Variants in RNF169 observed in about 807,000 individuals in gnomAD.
RNF169 encodes the protein E3 ubiquitin-protein ligase RNF169.
In RNF169, 24 loss-of-function variants were observed where a neutral mutation model predicts 53.9. The ratio of observed to expected loss-of-function variants is 0.45; its 90% CI spans 0.32 to 0.63. RNF169 has a LOEUF of 0.63. Ranked by LOEUF, RNF169 falls within the 20% of genes least tolerant of loss-of-function variation. The probability of loss-of-function intolerance (pLI) is 0.04; values close to 1 mark genes in which losing one functional copy is unlikely to be tolerated. For missense variants in RNF169, 883 were observed against 906.2 expected, an observed-to-expected ratio of 0.97 and a Z score of 0.33; for synonymous variants, 396 against 363.5, an observed-to-expected ratio of 1.09 and a Z score of -1.02.
At chr11:74,759,604 G>C (rs1591387160) in intron 1 of RNF169, among the ~76,000 whole-genome samples, 1 of 145,488 alleles carries the variant, frequency 6.9e-6, no homozygotes, top group Admixed American at 6.8e-5. Context: ...TTATATGCTG[G>C]ATTACATTTA....
At chr11:74,812,554 C>T (rs2035888973) in intron 3 of RNF169, among the ~76,000 whole-genome samples, 1 of 151,978 alleles carries the variant, frequency 6.6e-6, no homozygotes, top group Non-Finnish European at 1.5e-5. Context: ...GATCCTCCCA[C>T]CTTAGCTTTC....
intron 1 of RNF169, among the ~76,000 whole-genome samples, chr11:74,773,938 T>A (rs1363507600): frequency 6.6e-6 from 1 of 152,224 alleles, no homozygotes; most frequent in Non-Finnish European, 1.5e-5. Context: ...ATGCAGTCAT[T>A]CATTTTGTAC....
intron 1 of RNF169, among the ~76,000 whole-genome samples, chr11:74,777,861 A>G (rs982255185): frequency 2.0e-5 from 3 of 152,134 alleles, no homozygotes; most frequent in Admixed American, 1.3e-4. Flanking sequence ...CGGCTAGTCT[A>G]AGAGATCCTC....
chr11:74,793,942 A>G (rs2035613116), intron 2 of RNF169, among the ~76,000 whole-genome samples: 1 of 152,180 alleles, frequency 6.6e-6, no homozygotes, highest in South Asian at 2.1e-4. Flanking sequence ...TTATGCATGC[A>G]GACACATACA....
At chr11:74,759,977 A>C (rs1383125618) in intron 1 of RNF169, among the ~76,000 whole-genome samples, 1 of 151,096 alleles carries the variant, frequency 6.6e-6, no homozygotes, top group African/African-American at 2.4e-5. Flanking sequence ...GATTATTGCC[A>C]CAATTTCAGC....
At chr11:74,832,410 A>T (rs988061599) in intron 4 of RNF169, 1 of 151,950 alleles carries the variant, frequency 6.6e-6, no homozygotes, top group Non-Finnish European at 1.5e-5. Context: ...CCCCAGCTAC[A>T]GGTAGTTGTC....
intron 2 of RNF169, among the ~76,000 whole-genome samples, chr11:74,802,424 TC>T (rs1215266109): frequency 6.6e-6 from 1 of 152,196 alleles, no homozygotes; most frequent in African/African-American, 2.4e-5. Flanking sequence ...GGCAAGCGGA[TC>T]ACCTGAGGTC....
At chr11:74,789,354 T>A (rs577243105) in intron 1 of RNF169, among the ~76,000 whole-genome samples, 60 of 152,332 alleles carry the variant, frequency 3.9e-4, no homozygotes, top group Non-Finnish European at 7.1e-4. Flanking sequence ...CAAGCATTTA[T>A]CAACCTCAGT....
Position 74,840,123 on chromosome 11 carries a change from C to T in RNF169, c.*3393C>T, listed in dbSNP as rs1387596208. ...TGGGAAGCTGCCACCGTGCCTGACT[C>T]ATGTAGCTGATGACCGAAGGCTCAT... On this transcript the variant is annotated 3_prime_UTR_variant, in exon 6 of 6. Transcript: ENST00000299563. 1 of 152,192 alleles carries T rather than the reference C, an allele frequency of 6.6e-6. No individual in the cohort carries two copies. The highest frequency in any genetic ancestry group is 1.5e-5 in the Non-Finnish European group (1 of 68,046). 9.4% of individuals were successfully genotyped at this position (152,192 alleles called of 1,614,324 possible). A position where few individuals can be genotyped will look rare whatever the true frequency, so the allele number is the denominator to read the frequency against.
chr11:74,793,001 A>G (rs947869828), intron 2 of RNF169, among the ~76,000 whole-genome samples: 2 of 152,230 alleles, frequency 1.3e-5, no homozygotes, highest in Non-Finnish European at 2.9e-5. Context: ...CCATAACATT[A>G]AAAGGCACTA....
chr11:74,778,248 G>A (rs985428460), intron 1 of RNF169, among the ~76,000 whole-genome samples: 4 of 152,066 alleles, frequency 2.6e-5, no homozygotes, highest in South Asian at 2.1e-4. Context: ...ATATTTTCTC[G>A]TTCTGCAGTA....
At chr11:74,786,404 TG>T (rs1209490332) in intron 1 of RNF169, among the ~76,000 whole-genome samples, 3 of 151,998 alleles carry the variant, frequency 2.0e-5, no homozygotes, top group African/African-American at 2.4e-5. Flanking sequence ...TGCTAATTGT[TG>T]GGGGGTTTTT....
At chr11:74,821,155 C>G (rs1487820720) in intron 4 of RNF169, among the ~76,000 whole-genome samples, 1 of 152,170 alleles carries the variant, frequency 6.6e-6, no homozygotes, top group Non-Finnish European at 1.5e-5. Context: ...TTGAAATTAT[C>G]TATCTTTGCA....
intron 1 of RNF169, among the ~76,000 whole-genome samples, chr11:74,783,634 G>A (rs879265862): frequency 5.9e-5 from 9 of 152,124 alleles, no homozygotes; most frequent in Admixed American, 1.3e-4. Context: ...TGGTAGCTTT[G>A]TGACTAACTC....
chr11:74,810,080 A>G, intron 2 of RNF169, 104 bp from the exon 3 acceptor site: 1 of 1,019,792 alleles, frequency 9.8e-7, no homozygotes, highest in South Asian at 1.6e-5. Context: ...AACAGTCTCA[A>G]AACTGCCATG....
rs543543132 is a variant in RNF169, at chr11:74,749,002, C to G, written c.122C>G (p.Pro41Arg). ...GCAGCTAAGACTGGGGCCCCAGGCCCGGCTTCTGGACCTTCGCTGTTGGTG... is the reference window on the plus strand; with the variant it reads ...GCAGCTAAGACTGGGGCCCCAGGCCGGGCTTCTGGACCTTCGCTGTTGGTG... ...TAAAKTGAPGPASGPSLLVLS... is the reference protein window; with the variant it reads ...TAAAKTGAPGRASGPSLLVLS... Residue 41 changes from proline (P) to arginine (R), a missense_variant, in exon 1 of 6, where the codon CCG becomes CGG. Coordinates refer to ENST00000299563, the MANE Select transcript of RNF169 (RefSeq NM_001098638.2). 6.7e-7 allele frequency: 1 copy of G among 1,499,242 alleles called. No homozygotes were observed. The highest frequency in any genetic ancestry group is 8.9e-7 in the Non-Finnish European group (1 of 1,120,416). 92.9% of individuals were successfully genotyped at this position (1,499,242 alleles called of 1,614,324 possible).
At chr11:74,779,591 G>C (rs186934647) in intron 1 of RNF169, among the ~76,000 whole-genome samples, 5 of 152,118 alleles carry the variant, frequency 3.3e-5, no homozygotes, top group African/African-American at 7.2e-5. Context: ...GATAAAATGG[G>C]AAACACTTTA....
intron 1 of RNF169, among the ~76,000 whole-genome samples, chr11:74,778,013 G>T (rs746437671): frequency 7.9e-5 from 12 of 152,110 alleles, no homozygotes; most frequent in Non-Finnish European, 1.3e-4. Flanking sequence ...CTCATCTTGT[G>T]AAAGCATTGC....
rs1299354750 is a variant in RNF169 at position 74,836,427 on chromosome 11, G to A, written c.1824G>A (p.Glu608=). ...ATCTGACTAATGGTGTTCTAGTTGA[G>A]AGCCTAAGTGAAGAGCCACTTCCTT... ...HFDLTNGVLV[E]SLSEEPLPSL... The change falls in exon 6 of 6, where the codon GAG becomes GAA. Residue 608 remains glutamate, a synonymous_variant. Coordinates refer to ENST00000299563, the MANE Select transcript of RNF169 (RefSeq NM_001098638.2). 1.9e-6 allele frequency: 3 copies of A among 1,614,192 alleles called. No homozygotes were observed. Among genetic ancestry groups the A allele is most frequent in the Non-Finnish European group, 1.7e-6 (2 of 1,180,038 alleles).
Sources: allele counts gnomAD v4.1 joint callset (sites outside exome capture counted in the v4.1 genomes callset), GRCh38; gene constraint gnomAD v4.1.1; transcripts MANE v1.5; gene names NCBI Gene and HGNC (gene_info 2026-07-23, HGNC 2026-07-21).